The following INTS9 variants were observed in gnomAD, a reference collection of about 807,000 sequenced individuals.
INTS9 encodes integrator complex subunit 9, also known as protein related to CPSF subunits of 74 kDa.
INTS9 carries 55 observed loss-of-function variants against 79.7 expected under a neutral mutation model. The observed-to-expected ratio is 0.69, with a 90% CI of 0.56 to 0.86. The LOEUF is 0.86. Among genes scored for constraint, INTS9 ranks in the 40% least tolerant of loss-of-function variants. The probability of loss-of-function intolerance (pLI) is 0.00; values close to 1 mark genes in which losing one functional copy is unlikely to be tolerated. For synonymous variants in INTS9, 319 were observed against 325.2 expected (o/e 0.98, Z 0.20); for missense variants, 721 against 831.5 (o/e 0.87, Z 1.64).
At chr8:28,826,329 A>G (rs1404416878) in intron 6 of INTS9, among the ~76,000 whole-genome samples, 3 of 152,342 alleles carry the variant, frequency 2.0e-5, no homozygotes, top group South Asian at 4.1e-4. Context: ...AAAAAAAAGA[A>G]CCAGCAATGC....
At chr8:28,840,661 A>G (rs2131205471) in intron 4 of INTS9, among the ~76,000 whole-genome samples, 1 of 147,938 alleles carries the variant, frequency 6.8e-6, no homozygotes, top group East Asian at 2.0e-4. Flanking sequence ...ATGAAATTGG[A>G]AATCATCATT....
At chr8:28,883,709 C>G (rs554045976) in intron 1 of INTS9, among the ~76,000 whole-genome samples, 1 of 152,316 alleles carries the variant, frequency 6.6e-6, no homozygotes, top group Admixed American at 6.5e-5. Flanking sequence ...CTAGGCTTCA[C>G]GTTCCATATA....
At chr8:28,783,030 C>T (rs964073583) in intron 11 of INTS9, among the ~76,000 whole-genome samples, 24 of 150,734 alleles carry the variant, frequency 1.6e-4, no homozygotes, top group Non-Finnish European at 2.4e-4. Flanking sequence ...ACCTGTAGTC[C>T]GTTACTCGGG....
intron 6 of INTS9, among the ~76,000 whole-genome samples, chr8:28,828,030 G>A (rs866766981): frequency 8.5e-5 from 13 of 152,288 alleles, no homozygotes; most frequent in Middle Eastern, 3.4e-3. Context: ...GACCAGAATC[G>A]CAAAGCCCAA....
chr8:28,874,243 G>A (rs1254144075), intron 1 of INTS9, among the ~76,000 whole-genome samples: 3 of 151,576 alleles, frequency 2.0e-5, no homozygotes. Flanking sequence ...ATTTCCAAAG[G>A]GAAAAAATTA....
chr8:28,804,011 C>G (rs147334306), intron 8 of INTS9, among the ~76,000 whole-genome samples: 1 of 152,116 alleles, frequency 6.6e-6, no homozygotes, highest in African/African-American at 2.4e-5. Flanking sequence ...GCAGCCTCAA[C>G]CTCCCTAACT....
chr8:28,808,768 A>G (rs140317685), intron 8 of INTS9, among the ~76,000 whole-genome samples: 12 of 152,280 alleles, frequency 7.9e-5, no homozygotes, highest in Non-Finnish European at 1.3e-4. Context: ...AAGACCCGCC[A>G]ATGTTTTAAC....
chr8:28,801,490 AAAAC>A lies in INTS9; in HGVS notation c.745-4839_745-4836del, dbSNP rs1188832374. ...GAGTGACAGAGTAAGACTCTGTCTC[AAAAC>A]AAACAAACAAACAAAAAAACAAAAA... On this transcript the variant is annotated intron_variant, in intron 8 of 16. Transcript: ENST00000521022. Among the ~76,000 whole-genome samples, 5 of 98,808 alleles carry A rather than the reference AAAAC, an allele frequency of 5.1e-5. No individual in the cohort carries two copies. The East Asian group carries it at 8.0e-4, about 16-fold the overall frequency. 64.8% of individuals were successfully genotyped at this position (98,808 alleles called of 152,430 possible). A position where few individuals can be genotyped will look rare whatever the true frequency, so the allele number is the denominator to read the frequency against.
At chr8:28,862,995 G>A (rs1222034154) in intron 1 of INTS9, among the ~76,000 whole-genome samples, 1 of 152,200 alleles carries the variant, frequency 6.6e-6, no homozygotes, top group African/African-American at 2.4e-5. Flanking sequence ...TTGTAGCAGA[G>A]TTGCTGGGAG....
chr8:28,814,284 TCACACACACACACA>T (rs60850682), intron 6 of INTS9, among the ~76,000 whole-genome samples: 159 of 134,338 alleles, frequency 1.2e-3, no homozygotes, highest in African/African-American at 1.9e-3. Flanking sequence ...ACAGGGCTTC[TCACACACACACACA>T]CACACACACA....
At chr8:28,776,781 A>C (rs1403869498) in intron 13 of INTS9, among the ~76,000 whole-genome samples, 1 of 152,136 alleles carries the variant, frequency 6.6e-6, no homozygotes. Context: ...GGTTTTCCTC[A>C]CCTAAAGTGG....
chr8:28,861,920 A>C (rs1808484451), intron 1 of INTS9: 1 of 195,146 alleles, frequency 5.1e-6, no homozygotes, highest in Admixed American at 6.5e-5. Flanking sequence ...TTATTTGTAT[A>C]GATGAGAAGG....
chr8:28,777,837 CTTT>C lies in INTS9; in HGVS notation c.1384_1386del (p.Lys462del), dbSNP rs748405451. The C allele has an allele frequency of 1.2e-6, 2 of 1,607,022 alleles. No individual in the cohort carries two copies. The highest frequency in any genetic ancestry group is 4.5e-5 in the East Asian group (2 of 44,332). On this transcript the variant is annotated inframe_deletion, in exon 13 of 17. Transcript: ENST00000521022. ...GCAGTGTCCTTCATTACCTGCACTT[CTTT>C]AAGCAGCTTTGACACCTGGATGAAG...
At chr8:28,854,727 A>G (rs1265288105) in intron 2 of INTS9, among the ~76,000 whole-genome samples, 1 of 152,046 alleles carries the variant, frequency 6.6e-6, no homozygotes, top group Non-Finnish European at 1.5e-5. Context: ...CAGCATGCAA[A>G]TTGATGGGGA....
chr8:28,851,718 T>A (rs1273479791), intron 2 of INTS9, among the ~76,000 whole-genome samples: 1 of 152,116 alleles, frequency 6.6e-6, no homozygotes, highest in East Asian at 1.9e-4. Context: ...ATTACAGGAA[T>A]GAGCCACTGC....
chr8:28,830,054 A>C (rs1806387242), intron 6 of INTS9, among the ~76,000 whole-genome samples: 2 of 150,720 alleles, frequency 1.3e-5, no homozygotes. Flanking sequence ...AGAATGAAGA[A>C]AAAAAAAAAA....
chr8:28,863,902 CCT>C (rs1313986709), intron 1 of INTS9, among the ~76,000 whole-genome samples: 2 of 152,082 alleles, frequency 1.3e-5, no homozygotes, highest in Non-Finnish European at 2.9e-5. Flanking sequence ...TCTGTATTTC[CCT>C]GTGTGCCTTT....
At chr8:28,777,610 A>G (rs549322743) in intron 13 of INTS9, among the ~76,000 whole-genome samples, 1 of 149,568 alleles carries the variant, frequency 6.7e-6, no homozygotes, top group East Asian at 2.0e-4. Flanking sequence ...TTTCCCTTCC[A>G]CATCTGATTT....
Position 28,850,207 on chromosome 8 carries a change from T to C in INTS9, c.198+6A>G, listed in dbSNP as rs1261354382. On this transcript the variant is annotated splice_donor_region_variant and intron_variant, in intron 3 of 16. Transcript: ENST00000521022. ...ATAGGCTTTAGTTTGTAGTCTTAGA[T>C]ATTACCTTGTCCAAGAAAGCATTTC... 6.2e-7 allele frequency: 1 copy of C among 1,611,666 alleles called. No homozygotes were observed.
Sources: gnomAD v4.1 joint callset for allele counts (sites outside exome capture counted in the v4.1 genomes callset) on GRCh38, gnomAD v4.1.1 for gene constraint, MANE v1.5 for transcripts, NCBI Gene and HGNC (gene_info 2026-07-23, HGNC 2026-07-21) for gene names.